PLXDC2: variants seen among roughly 807,000 people sequenced by gnomAD.
PLXDC2 encodes the protein plexin domain-containing protein 2.
Under a neutral mutation model 68.9 loss-of-function variants are expected in PLXDC2, and 40 were observed. The observed-to-expected ratio is 0.58, with a 90% CI of 0.45 to 0.76. PLXDC2 has a LOEUF of 0.76. Ranked by LOEUF, PLXDC2 falls within the 30% of genes least tolerant of loss-of-function variation. The probability of loss-of-function intolerance (pLI) is 0.00; values close to 1 mark genes in which losing one functional copy is unlikely to be tolerated. For synonymous variants in PLXDC2, 243 were observed against 234.2 expected, an observed-to-expected ratio of 1.04 and a Z score of -0.34; for missense variants, 644 against 661.9, an observed-to-expected ratio of 0.97 and a Z score of 0.30.
At chr10:19,913,052 G>A (rs1440220475) in intron 1 of PLXDC2, among the ~76,000 whole-genome samples, 1 of 152,140 alleles carries the variant, frequency 6.6e-6, no homozygotes, top group Non-Finnish European at 1.5e-5. Flanking sequence ...AGTTGTCAAA[G>A]TATCTGAATG....
chr10:20,247,907 G>A (rs1350288554), intron 13 of PLXDC2, among the ~76,000 whole-genome samples: 3 of 152,118 alleles, frequency 2.0e-5, no homozygotes, highest in Admixed American at 6.5e-5. Flanking sequence ...ATATTATCAC[G>A]CATTGCCTTG....
At chr10:19,929,026 A>T (rs975607510) in intron 1 of PLXDC2, among the ~76,000 whole-genome samples, 1 of 151,590 alleles carries the variant, frequency 6.6e-6, no homozygotes, top group African/African-American at 2.4e-5. Context: ...AAGTGCTGAG[A>T]TTACAGATGT....
At chr10:20,087,168 A>T (rs1163143990) in intron 4 of PLXDC2, among the ~76,000 whole-genome samples, 1 of 152,206 alleles carries the variant, frequency 6.6e-6, no homozygotes, top group East Asian at 1.9e-4. Flanking sequence ...CAGGAGTCAA[A>T]ACTGCTTTGC....
chr10:20,140,364 A>T (rs1408898565), intron 4 of PLXDC2, among the ~76,000 whole-genome samples: 1 of 147,334 alleles, frequency 6.8e-6, no homozygotes, highest in Non-Finnish European at 1.5e-5. Flanking sequence ...ATTACCCCAA[A>T]AAATGAAGGA....
intron 4 of PLXDC2, among the ~76,000 whole-genome samples, chr10:20,122,791 T>C (rs1185430873): frequency 6.6e-6 from 1 of 152,174 alleles, no homozygotes; most frequent in East Asian, 1.9e-4. Flanking sequence ...AATTAAATCC[T>C]GTTGTGGGGT....
chr10:19,823,408 T>A (rs1179640494), intron 1 of PLXDC2, among the ~76,000 whole-genome samples: 1 of 151,820 alleles, frequency 6.6e-6, no homozygotes, highest in Non-Finnish European at 1.5e-5. Flanking sequence ...CGGCTGGGCG[T>A]GGTGGCTCAC....
chr10:20,178,968 T>C lies in PLXDC2; in HGVS notation c.1061+1559T>C, dbSNP rs567291794. ...AAGCAAAGGTTTCTGGTTATTTATATTGATATTTTACTAAGTTTTCCATAA... is the reference window on the plus strand; with the variant it reads ...AAGCAAAGGTTTCTGGTTATTTATACTGATATTTTACTAAGTTTTCCATAA... On this transcript the variant is annotated intron_variant, in intron 9 of 13. Coordinates refer to ENST00000377252, the MANE Select transcript of PLXDC2 (RefSeq NM_032812.9). Among the ~76,000 whole-genome samples the C allele has an allele frequency of 7.4e-4, 112 of 152,260 alleles. 1 individual carries two copies. Among genetic ancestry groups the C allele is most frequent in the Non-Finnish European group, 1.4e-3 (97 of 68,000 alleles).
At chr10:19,915,862 A>G (rs200430668) in intron 1 of PLXDC2, among the ~76,000 whole-genome samples, 24 of 150,110 alleles carry the variant, frequency 1.6e-4, no homozygotes, top group African/African-American at 4.4e-4. Context: ...AACCAAAAAA[A>G]AAGAAGAAGA....
At chr10:20,268,190 G>A (rs1835894946) in intron 13 of PLXDC2, among the ~76,000 whole-genome samples, 1 of 151,804 alleles carries the variant, frequency 6.6e-6, no homozygotes, top group South Asian at 2.1e-4. Flanking sequence ...TTTTTTCAGG[G>A]TCATAATTAT....
At chr10:19,891,910 T>A (rs1388788404) in intron 1 of PLXDC2, among the ~76,000 whole-genome samples, 2 of 152,202 alleles carry the variant, frequency 1.3e-5, no homozygotes, top group Non-Finnish European at 2.9e-5. Flanking sequence ...TAAAGGATCC[T>A]TACTGAAACA....
At chr10:19,964,053 A>G (rs1834205569) in intron 1 of PLXDC2, among the ~76,000 whole-genome samples, 1 of 152,176 alleles carries the variant, frequency 6.6e-6, no homozygotes, top group Admixed American at 6.5e-5. Flanking sequence ...CCAAAACAGC[A>G]TCATCGGTTA....
At chr10:20,044,557 G>C (rs571382044) in intron 2 of PLXDC2, among the ~76,000 whole-genome samples, 1 of 151,862 alleles carries the variant, frequency 6.6e-6, no homozygotes, top group Middle Eastern at 3.4e-3. Flanking sequence ...TGATCCACCC[G>C]CCTCGGCCTC....
At chr10:20,063,523 A>G (rs1836141165) in intron 3 of PLXDC2, among the ~76,000 whole-genome samples, 1 of 152,200 alleles carries the variant, frequency 6.6e-6, no homozygotes, top group Non-Finnish European at 1.5e-5. Context: ...TTGCAATACC[A>G]CTGAGAAATA....
In PLXDC2 at chr10:20,255,617, T is replaced by C. The variant is rs892822659; in HGVS notation, c.1473+10112T>C. 2.0e-5 allele frequency among the ~76,000 whole-genome samples: 3 copies of C among 152,136 alleles called. No homozygotes were observed. In the South Asian group the frequency reaches 6.2e-4, roughly 31 times the overall value. On this transcript the variant is annotated intron_variant, in intron 13 of 13. Transcript: ENST00000377252. ...TTAGTGTATTCTTTTCTAGCAAACA[T>C]ACCAAACAACTAAACTAAATTAGTT...
At chr10:19,864,588 T>G (rs1451624749) in intron 1 of PLXDC2, among the ~76,000 whole-genome samples, 1 of 152,214 alleles carries the variant, frequency 6.6e-6, no homozygotes, top group Non-Finnish European at 1.5e-5. Context: ...GCTGATGAGA[T>G]GCTGATATTT....
intron 1 of PLXDC2, among the ~76,000 whole-genome samples, chr10:19,959,684 G>C (rs1834124695): frequency 1.3e-5 from 2 of 152,070 alleles, no homozygotes; most frequent in Non-Finnish European, 2.9e-5. Context: ...AAAACCTGGG[G>C]TCTATGTATC....
rs1836054067 is a variant in PLXDC2, at chr10:20,279,584, A to C, written c.1474-119A>C. 9 of 755,984 alleles carry C rather than the reference A, an allele frequency of 1.2e-5. No homozygotes were observed. In the South Asian group the frequency reaches 1.5e-4, roughly 13 times the overall value. 46.8% of individuals were successfully genotyped at this position (755,984 alleles called of 1,614,324 possible). A position where few individuals can be genotyped will look rare whatever the true frequency, so the allele number is the denominator to read the frequency against. ...TAATTCTGACTGTAGCTATAATAAG[A>C]GATAATTTAATGTGTTAATTAATTC... On this transcript the variant is annotated intron_variant, in intron 13 of 13. Transcript: ENST00000377252.
intron 12 of PLXDC2, among the ~76,000 whole-genome samples, chr10:20,238,662 A>AATATAT (rs1554777528): frequency 1.6e-4 from 5 of 31,718 alleles, no homozygotes; most frequent in Non-Finnish European, 3.0e-4. Flanking sequence ...TCTCAAAAAA[A>AATATAT]ATATATATAT....
intron 1 of PLXDC2, among the ~76,000 whole-genome samples, chr10:19,968,592 C>G (rs1050863509): frequency 6.6e-6 from 1 of 152,166 alleles, no homozygotes; most frequent in African/African-American, 2.4e-5. Flanking sequence ...GGAATATAGG[C>G]ATGAGCCACC....
Sources: allele counts gnomAD v4.1 joint callset (sites outside exome capture counted in the v4.1 genomes callset), GRCh38; gene constraint gnomAD v4.1.1; transcripts MANE v1.5; gene names NCBI Gene and HGNC (gene_info 2026-07-23, HGNC 2026-07-21).